The following LRRK2 variants were observed in gnomAD, a reference collection of about 807,000 sequenced individuals.
The protein encoded by LRRK2 is leucine-rich repeat serine/threonine-protein kinase 2.
In LRRK2, 203 loss-of-function variants were observed where a neutral mutation model predicts 302.6. That is an observed-to-expected ratio of 0.67 (90% CI 0.60 to 0.75). LRRK2 has a LOEUF of 0.75. LRRK2 is among the 30% of genes least tolerant of loss of function. The pLI is 0.00. For synonymous variants in LRRK2, 1,066 were observed against 1,031.9 expected, an observed-to-expected ratio of 1.03 and a Z score of -0.63; for missense variants, 2,830 against 2,951.0, an observed-to-expected ratio of 0.96 and a Z score of 0.95.
At position 40,225,529 on chromosome 12, in the gene LRRK2, CTT is replaced by C. The variant is rs772731036; in HGVS notation, c.152-23_152-22del. 1.4e-5 allele frequency: 22 copies of C among 1,596,496 alleles called. No homozygotes were observed. In the African/African-American group the frequency reaches 2.6e-4, roughly 19 times the overall value. On this transcript the variant is annotated intron_variant, in intron 1 of 50. Transcript: ENST00000298910. ...GGTGCTGTGGATTGTGACTTTGCTT[CTT>C]TTCCCCACCCACTTGTTTTCCAGCC... is the stretch of plus-strand genomic sequence containing the variant.
At chr12:40,333,978 G>A (rs973110650) in intron 39 of LRRK2, among the ~76,000 whole-genome samples, 2 of 152,176 alleles carry the variant, frequency 1.3e-5, no homozygotes, top group East Asian at 1.9e-4. Context: ...CAGATCAGGT[G>A]CTGAGGCCGT....
At chr12:40,309,285 CGTGTGT>C (rs10650388) in intron 30 of LRRK2, 52 bp downstream of exon 30, 11 of 1,316,648 alleles carry the variant, frequency 8.4e-6, no homozygotes, top group African/African-American at 7.6e-5. Flanking sequence ...TGTCTGTGTG[CGTGTGT>C]GTGTGTGTGT....
At chr12:40,262,402 G>A (rs747114137) in intron 13 of LRRK2, among the ~76,000 whole-genome samples, 1 of 152,096 alleles carries the variant, frequency 6.6e-6, no homozygotes, top group Non-Finnish European at 1.5e-5. Context: ...TTTAAGGTCA[G>A]GCCTGATATA....
At chr12:40,348,202 A>AC (rs111873046) in intron 42 of LRRK2, among the ~76,000 whole-genome samples, 42 of 151,678 alleles carry the variant, frequency 2.8e-4, no homozygotes, top group African/African-American at 9.4e-4. Flanking sequence ...TTTTTATTCC[A>AC]TAAAAAAAAA....
At chr12:40,254,090 C>T (rs551662561) in intron 11 of LRRK2, among the ~76,000 whole-genome samples, 1 of 152,044 alleles carries the variant, frequency 6.6e-6, no homozygotes, top group Admixed American at 6.6e-5. Context: ...ATTTCTTCCC[C>T]CATAAACAGG....
rs573289422 is a variant in LRRK2, at chr12:40,226,829, C to T, written c.237+1189C>T. Among the ~76,000 whole-genome samples, 4 of 152,266 alleles carry T rather than the reference C, an allele frequency of 2.6e-5. No homozygotes were observed. In the South Asian group the frequency reaches 6.2e-4, roughly 24 times the overall value. ...TATTGTGCTTCCTGCTCTGCACCCA[C>T]GTCATCCCTTCTTACTTGTCTCTGC... On this transcript the variant is annotated intron_variant, in intron 2 of 50. Coordinates refer to ENST00000298910, the MANE Select transcript of LRRK2 (RefSeq NM_198578.4).
At chr12:40,294,134 T>G (rs1944279763) in intron 21 of LRRK2, among the ~76,000 whole-genome samples, 1 of 10,594 alleles carries the variant, frequency 9.4e-5, no homozygotes, top group African/African-American at 2.4e-4. Flanking sequence ...CTATCTATCA[T>G]CTATCTATCT....
chr12:40,261,974 C>T (rs1197348363), intron 13 of LRRK2, among the ~76,000 whole-genome samples: 1 of 151,918 alleles, frequency 6.6e-6, no homozygotes, highest in East Asian at 1.9e-4. Context: ...ATAATGAAGA[C>T]CCAGTTACTT....
intron 18 of LRRK2, among the ~76,000 whole-genome samples, chr12:40,280,392 G>A (rs988285288): frequency 5.3e-5 from 8 of 152,014 alleles, no homozygotes; most frequent in African/African-American, 1.9e-4. Flanking sequence ...GGGAAGTCAA[G>A]GCGGGAGGAT....
intron 20 of LRRK2, among the ~76,000 whole-genome samples, chr12:40,291,540 C>A (rs906126758): frequency 6.6e-6 from 1 of 151,510 alleles, no homozygotes; most frequent in Non-Finnish European, 1.5e-5. Context: ...TTCTGGATAA[C>A]TTTCTGGTTA....
chr12:40,331,325 T>C (rs932233636), intron 39 of LRRK2, among the ~76,000 whole-genome samples: 1 of 152,218 alleles, frequency 6.6e-6, no homozygotes, highest in Admixed American at 6.5e-5. Flanking sequence ...TGCAAAGGGA[T>C]ACTCTGTTCT....
At position 40,235,695 on chromosome 12, in the gene LRRK2, A is replaced by G; in HGVS notation, c.417A>G (p.Leu139=). 1.2e-6 allele frequency: 2 copies of G among 1,601,208 alleles called. No homozygotes were observed. Among genetic ancestry groups the G allele is most frequent in the Non-Finnish European group, 1.7e-6 (2 of 1,168,504 alleles). The change falls in exon 4 of 51, where the codon TTA becomes TTG. Residue 139 remains leucine (L), a synonymous_variant. Transcript: ENST00000298910. ...VNLSVIGLKT[L]DLLLTSGKIT... ...TGTCAGTGATTGGACTGAAGACCTT[A>G]GATCTCCTCCTAACTTCAGGTAATA...
At position 40,335,033 on chromosome 12, in the gene LRRK2, C is replaced by T; in HGVS notation, c.5824C>T (p.Pro1942Ser). The change falls in exon 40 of 51, where the codon CCC (proline) becomes TCC (serine). Residue 1942 changes from proline to serine, a missense_variant. Pro to Ser is a moderately conservative substitution (Grantham distance 74). Transcript: ENST00000298910. The stretch of plus-strand genomic sequence containing the variant: ...ATCTTTGCTGGCAGCTGGGATTCGT[C>T]CCCGGATGTTGGTGATGGAGTTAGC... ...LISLLAAGIR[P>S]RMLVMELASK... The T allele has an allele frequency of 1.2e-6, 2 of 1,614,088 alleles. No individual in the cohort carries two copies. Among genetic ancestry groups the T allele is most frequent in the South Asian group, 1.1e-5 (1 of 91,080 alleles).
chr12:40,320,966 A>C (rs1343767964), intron 34 of LRRK2, 68 bp from the exon 35 acceptor site: 2 of 1,535,094 alleles, frequency 1.3e-6, no homozygotes, highest in Non-Finnish European at 1.8e-6. Flanking sequence ...TTAAGCAGTA[A>C]AATCATTTGC....
rs1222335211 is a variant in LRRK2, at chr12:40,357,184, G to A, written c.6843+997G>A. ...AGCTCCCACATATGAGTGAGTACATGTGATATTTGTCTTTCTGTGCTTGGC... is the reference window on the plus strand; with the variant it reads ...AGCTCCCACATATGAGTGAGTACATATGATATTTGTCTTTCTGTGCTTGGC... On this transcript the variant is annotated intron_variant, in intron 46 of 50. Coordinates refer to ENST00000298910, the MANE Select transcript of LRRK2 (RefSeq NM_198578.4). 1.8e-4 allele frequency among the ~76,000 whole-genome samples: 28 copies of A among 152,094 alleles called. 1 individual carries two copies. The highest frequency in any genetic ancestry group is 1.8e-3 in the Admixed American group (28 of 15,268).
intron 12 of LRRK2, 46 bp downstream of exon 12, chr12:40,257,423 A>C (rs1237974615): frequency 6.3e-7 from 1 of 1,575,348 alleles, no homozygotes; most frequent in Non-Finnish European, 8.7e-7. Context: ...ATATTGGGCC[A>C]GGTAGAATAT....
rs765994542 is a variant in LRRK2, at chr12:40,365,034, G to A, written c.7374G>A (p.Met2458Ile). ...IYNFCNSVRV[M>I]MTAQLGSLKN... ...ACTTTTGTAATTCGGTCAGAGTCAT[G>A]ATGACAGCACAGCTAGGCAAGTTTC... The change falls in exon 49 of 51, where the codon ATG becomes ATA. Residue 2458 changes from methionine (M) to isoleucine (I), a missense_variant. Coordinates refer to ENST00000298910, the MANE Select transcript of LRRK2 (RefSeq NM_198578.4). The A allele has an allele frequency of 2.5e-6, 4 of 1,612,272 alleles. No homozygotes were observed. Among genetic ancestry groups the A allele is most frequent in the Non-Finnish European group, 3.4e-6 (4 of 1,178,804 alleles).
At chr12:40,295,321 G>A (rs990502769) in intron 22 of LRRK2, 106 bp from the exon 23 acceptor site, 1 of 1,012,730 alleles carries the variant, frequency 9.9e-7, no homozygotes, top group Non-Finnish European at 1.5e-6. Context: ...TGAATCTTCA[G>A]TGCCTTGAAG....
intron 18 of LRRK2, among the ~76,000 whole-genome samples, chr12:40,281,861 G>T (rs1005687841): frequency 6.6e-6 from 1 of 152,196 alleles, no homozygotes; most frequent in Non-Finnish European, 1.5e-5. Flanking sequence ...TTTCAAGATG[G>T]TTTGTAGGTC....
Sources: allele counts gnomAD v4.1 joint callset (sites outside exome capture counted in the v4.1 genomes callset), GRCh38; gene constraint gnomAD v4.1.1; transcripts MANE v1.5; gene names NCBI Gene and HGNC (gene_info 2026-07-23, HGNC 2026-07-21).